The following SETD1A variants were observed in gnomAD, a reference collection of about 807,000 sequenced individuals.
The protein encoded by SETD1A is SET domain containing 1A, histone lysine methyltransferase.
SETD1A carries 29 observed loss-of-function variants against 149.9 expected under a neutral mutation model. The observed-to-expected ratio is 0.19, with a 90% CI of 0.14 to 0.26. SETD1A has a LOEUF of 0.26. Among genes scored for constraint, SETD1A ranks in the 10% least tolerant of loss-of-function variants. The pLI is 1.00. For synonymous variants in SETD1A, 1,141 were observed against 968.5 expected (o/e 1.18, Z -3.31); for missense variants, 2,109 against 2,353.1 (o/e 0.90, Z 2.15).
intron 1 of SETD1A, chr16:30,958,440 G>T (rs1162138897): frequency 2.6e-6 from 1 of 379,120 alleles, no homozygotes; most frequent in African/African-American, 2.1e-5. Context: ...GTCTTGCTCC[G>T]AGGCCAAGTG....
Position 30,980,825 on chromosome 16 carries a change from C to T in SETD1A, c.4668C>T (p.Asp1556=), listed in dbSNP as rs375305784. ...AIGTSAIMDS[D]LLKLNQLKFR... The stretch of plus-strand genomic sequence containing the variant: ...GTACCTCCGCCATCATGGACAGTGA[C>T]CTGCTGAAACTCAACCAGCTCAAGG... Residue 1556 remains aspartate (D), a synonymous_variant, in exon 16 of 19, where the codon GAC becomes GAT. Coordinates refer to ENST00000262519, the MANE Select transcript of SETD1A (RefSeq NM_014712.3). The surrounding 1 kb of genome is among the most constrained non-coding windows in gnomAD (Gnocchi z 7.7). The T allele has an allele frequency of 3.1e-6, 5 of 1,603,568 alleles. No homozygotes were observed. The highest frequency in any genetic ancestry group is 4.3e-6 in the Non-Finnish European group (5 of 1,174,202).
Position 30,959,293 on chromosome 16 carries a change from G to A in SETD1A, c.246+107G>A, listed in dbSNP as rs1031218418. ...GTTTCCAATGAAAGGATCTCAGCCA[G>A]ATCTAGCAACCTCTGAGGCTGTGAG... On this transcript the variant is annotated intron_variant, in intron 3 of 18. Coordinates refer to ENST00000262519, the MANE Select transcript of SETD1A (RefSeq NM_014712.3). The A allele has an allele frequency of 1.1e-5, 9 of 794,732 alleles. No individual in the cohort carries two copies. In the African/African-American group the frequency reaches 1.5e-4, roughly 14 times the overall value. The allele number at this position is 794,732 out of a possible 1,614,324, so 49.2% of individuals were successfully genotyped here.
At position 30,964,497 on chromosome 16, in the gene SETD1A, C is replaced by T. The variant is rs2056106267; in HGVS notation, c.870-115C>T. The T allele has an allele frequency of 7.3e-6, 11 of 1,509,448 alleles. No homozygotes were observed. In the Admixed American group the frequency reaches 1.8e-4, roughly 25 times the overall value. The allele number at this position is 1,509,448 out of a possible 1,614,324, so 93.5% of individuals were successfully genotyped here. On this transcript the variant is annotated intron_variant, in intron 6 of 18. Coordinates refer to ENST00000262519, the MANE Select transcript of SETD1A (RefSeq NM_014712.3). ...GGGAACACACTAGCTAGGAACCCAA[C>T]ATATAGCTCTTCTTTTGGAGGGCAG...
rs2056166428 is a variant in SETD1A, at chr16:30,967,629, G to A, written c.2770+41G>A. 1.9e-6 allele frequency: 3 copies of A among 1,549,784 alleles called. No homozygotes were observed. In the Admixed American group the frequency reaches 5.0e-5, roughly 26 times the overall value. On this transcript the variant is annotated intron_variant, in intron 10 of 18. Transcript: ENST00000262519. Reference sequence around the variant, plus strand: ...CATAAGGAGAAGGGGTGTGCTGCGTGGGTTCTGATGGGAGAGCAAGAGGTA... The same window carrying A: ...CATAAGGAGAAGGGGTGTGCTGCGTAGGTTCTGATGGGAGAGCAAGAGGTA...
intron 13 of SETD1A, among the ~76,000 whole-genome samples, chr16:30,978,563 C>G (rs1204075030): frequency 6.6e-6 from 1 of 152,198 alleles, no homozygotes; most frequent in Non-Finnish European, 1.5e-5. Flanking sequence ...CTGTCTCCTG[C>G]CCCTCCCTGC....
chr16:30,972,720 G>T (rs990279704), intron 13 of SETD1A, among the ~76,000 whole-genome samples: 2 of 151,586 alleles, frequency 1.3e-5, no homozygotes, highest in Non-Finnish European at 2.9e-5. Context: ...TAGGCGTGGT[G>T]GCGCACACCT....
intron 10 of SETD1A, among the ~76,000 whole-genome samples, chr16:30,968,059 C>T (rs574973752): frequency 2.0e-5 from 3 of 152,212 alleles, no homozygotes; most frequent in Non-Finnish European, 2.9e-5. Flanking sequence ...AAGTCAGCTC[C>T]CTCTTCCACC....
intron 7 of SETD1A, 33 bp downstream of exon 7, chr16:30,965,494 G>T: frequency 1.3e-6 from 2 of 1,582,764 alleles, no homozygotes. Context: ...GAGGCACCTG[G>T]GCTCTGGGAG....
intron 6 of SETD1A, 21 bp downstream of exon 6, chr16:30,964,344 G>T: frequency 6.3e-7 from 1 of 1,591,160 alleles, no homozygotes; most frequent in South Asian, 1.1e-5. Flanking sequence ...GACCCCGCCT[G>T]GGGCCCCGCC....
In SETD1A at chr16:30,983,833, C is replaced by G. The variant is rs541269571; in HGVS notation, c.4951-17C>G. ...TCGGTGGGGGTGGCCACGGCTCACACGCCCTTCCATCCGCAGCCTAACTGC... is the reference window on the plus strand; with the variant it reads ...TCGGTGGGGGTGGCCACGGCTCACAGGCCCTTCCATCCGCAGCCTAACTGC... On this transcript the variant is annotated splice_polypyrimidine_tract_variant and intron_variant, in intron 18 of 18. Coordinates refer to ENST00000262519, the MANE Select transcript of SETD1A (RefSeq NM_014712.3). The surrounding 1 kb of genome is among the most constrained non-coding windows in gnomAD (Gnocchi z 6.8). 2 of 1,610,056 alleles carry G rather than the reference C, an allele frequency of 1.2e-6. No homozygotes were observed. The highest frequency in any genetic ancestry group is 8.5e-7 in the Non-Finnish European group (1 of 1,177,698).
At chr16:30,978,663 G>T (rs1056708084) in intron 13 of SETD1A, among the ~76,000 whole-genome samples, 1 of 152,214 alleles carries the variant, frequency 6.6e-6, no homozygotes, top group Non-Finnish European at 1.5e-5. Flanking sequence ...AGGTTGTATC[G>T]TGTTCACCTT....
Position 30,979,988 on chromosome 16 carries a change from G to GCCCCCCCCCCCCCCCCCCCC in SETD1A, c.4204_4205insCCCCCCCCCCCCCCCCCCCC (p.Arg1402ProfsTer30). The GCCCCCCCCCCCCCCCCCCCC allele has an allele frequency of 6.7e-7, 1 of 1,494,254 alleles. No individual in the cohort carries two copies. The highest frequency in any genetic ancestry group is 8.9e-7 in the Non-Finnish European group (1 of 1,126,974). The allele number at this position is 1,494,254 out of a possible 1,614,324, so 92.6% of individuals were successfully genotyped here. A position where few individuals can be genotyped will look rare whatever the true frequency, so the allele number is the denominator to read the frequency against. On this transcript the variant is annotated frameshift_variant, in exon 14 of 19. Coordinates refer to ENST00000262519, the MANE Select transcript of SETD1A (RefSeq NM_014712.3). LOFTEE classifies it high-confidence loss of function. ...AGCCTCCGCTCCCACGCCCGGCGCC[G>GCCCCCCCCCCCCCCCCCCCC]CCGCCCTCCGCCCCCACCCCCGCCG... is the stretch of plus-strand genomic sequence containing the variant.
chr16:30,979,159 T>C lies in SETD1A; in HGVS notation c.3373T>C (p.Ser1125Pro). Residue 1125 changes from serine (S) to proline (P), a missense_variant, in exon 14 of 19, where the codon TCA (serine) becomes CCA (proline). By Grantham distance (74) the Ser-to-Pro change is moderately conservative. This residue lies in a region of SETD1A where 832 missense variants were observed against 815.6 expected (regional missense o/e 1.02). Transcript: ENST00000262519. ...TTCCTTCCCAGGCCCCACGGAGGAG[T>C]CACCCCCCAGTGCGCCTCTGCGTCC... is the stretch of plus-strand genomic sequence containing the variant. ...PARPAGPTEE[S>P]PPSAPLRPPE... 6.4e-7 allele frequency: 1 copy of C among 1,570,758 alleles called. No homozygotes were observed. Among genetic ancestry groups the C allele is most frequent in the Non-Finnish European group, 8.6e-7 (1 of 1,158,608 alleles).
intron 17 of SETD1A, among the ~76,000 whole-genome samples, chr16:30,981,986 A>ATTAACAAGATC (rs2056384961): frequency 1.3e-5 from 2 of 152,200 alleles, no homozygotes; most frequent in African/African-American, 2.4e-5. Flanking sequence ...GGCATTTGGT[A>ATTAACAAGATC]TTAACAAGAT....
In SETD1A at chr16:30,979,834, A is replaced by AAGCCGCAGCAACTGC; in HGVS notation, c.4052_4066dup (p.Pro1351_Gln1355dup). The AAGCCGCAGCAACTGC allele has an allele frequency of 6.4e-7, 1 of 1,550,454 alleles. No homozygotes were observed. Among genetic ancestry groups the AAGCCGCAGCAACTGC allele is most frequent in the Non-Finnish European group, 8.7e-7 (1 of 1,154,510 alleles). On this transcript the variant is annotated inframe_insertion, in exon 14 of 19. Transcript: ENST00000262519. ...GGTGGTGGCTGAGGCGGAGGAGCCCAAGCCGCAGCAACTGCAGCAGCAGCG... is the reference window on the plus strand; with the variant it reads ...GGTGGTGGCTGAGGCGGAGGAGCCCAAGCCGCAGCAACTGCAGCCGCAGCAACTGCAGCAGCAGCG...
At chr16:30,978,096 AAACCC>A (rs2056308145) in intron 13 of SETD1A, among the ~76,000 whole-genome samples, 1 of 152,118 alleles carries the variant, frequency 6.6e-6, no homozygotes, top group Non-Finnish European at 1.5e-5. Context: ...CAACATGGTG[AAACCC>A]TGCTTCTACT....
chr16:30,971,615 C>G lies in SETD1A; in HGVS notation c.3254C>G (p.Pro1085Arg). The G allele has an allele frequency of 6.2e-7, 1 of 1,613,874 alleles. No individual in the cohort carries two copies. The highest frequency in any genetic ancestry group is 1.7e-4 in the Middle Eastern group (1 of 6,060). The part of the protein sequence containing the change: ...PSASPPPREV[P>R]VPTPAPVEVP... The stretch of plus-strand genomic sequence containing the variant: ...GCCTCCCCGCCCCCCAGAGAAGTCC[C>G]AGTGCCCACGCCAGCACCTGTGGAG... The change falls in exon 13 of 19, where the codon CCA becomes CGA. Residue 1085 changes from proline (P) to arginine (R), a missense_variant. By Grantham distance (103) the Pro-to-Arg change is moderately radical. Around this residue, in one of 8 missense-constraint regions of SETD1A, gnomAD observed 832 missense variants for 815.6 expected, o/e 1.02. Coordinates refer to ENST00000262519, the MANE Select transcript of SETD1A (RefSeq NM_014712.3).
In SETD1A at chr16:30,979,210, G is replaced by GCCCCTTCCCCCCCCC; in HGVS notation, c.3429_3430insTCCCCCCCCCCCCCT (p.Pro1143_Ala1144insSerProProProPro). On this transcript the variant is annotated inframe_insertion, in exon 14 of 19. Coordinates refer to ENST00000262519, the MANE Select transcript of SETD1A (RefSeq NM_014712.3). ...CCCAGAACCACCTGCTGGGCCCCCG[G>GCCCCTTCCCCCCCCC]CCCCTGCCCCACGCCCCGATGAGCG... 6.3e-7 allele frequency: 1 copy of GCCCCTTCCCCCCCCC among 1,585,062 alleles called. No homozygotes were observed. The highest frequency in any genetic ancestry group is 8.6e-7 in the Non-Finnish European group (1 of 1,165,150).
intron 3 of SETD1A, among the ~76,000 whole-genome samples, chr16:30,960,907 T>C (rs1359033426): frequency 6.6e-6 from 1 of 151,810 alleles, no homozygotes; most frequent in Non-Finnish European, 1.5e-5. Flanking sequence ...AGCTAAATTT[T>C]TTTTTTTGTA....
Sources: allele counts gnomAD v4.1 joint callset (sites outside exome capture counted in the v4.1 genomes callset), GRCh38; gene constraint gnomAD v4.1.1; regional missense constraint gnomAD v4.1.1; non-coding constraint Gnocchi (gnomAD v3.1); transcripts MANE v1.5; gene names NCBI Gene and HGNC (gene_info 2026-07-23, HGNC 2026-07-21).